KIF1B: variants seen among roughly 807,000 people sequenced by gnomAD.
KIF1B encodes the protein kinesin family member 1B.
A neutral mutation model predicts 241.9 loss-of-function variants in KIF1B; 76 were observed. That is an observed-to-expected ratio of 0.31 (90% CI 0.26 to 0.38). The LOEUF (loss-of-function observed/expected upper bound fraction) is 0.38, where lower values mean the gene tolerates loss of function less well. Among genes scored for constraint, KIF1B ranks in the 10% least tolerant of loss-of-function variants. The pLI, the probability that KIF1B is intolerant of heterozygous loss-of-function variation, is 1.00. For synonymous variants in KIF1B, 750 were observed against 796.7 expected (o/e 0.94, Z 0.99); for missense variants, 1,622 against 2,271.4 (o/e 0.71, Z 5.81).
At chr1:10,265,456 G>A (rs1233530320) in intron 5 of KIF1B, among the ~76,000 whole-genome samples, 1 of 151,914 alleles carries the variant, frequency 6.6e-6, no homozygotes, top group African/African-American at 2.4e-5. Context: ...GGTTGGTCTC[G>A]AATTCCTGAG....
At position 10,217,860 on chromosome 1, in the gene KIF1B, C is replaced by T. The variant is rs185154417; in HGVS notation, c.-80+6982C>T. Among the ~76,000 whole-genome samples, 36 of 152,056 alleles carry T rather than the reference C, an allele frequency of 2.4e-4. 1 individual carries two copies. The highest frequency in any genetic ancestry group is 7.7e-4 in the African/African-American group (32 of 41,464). On this transcript the variant is annotated intron_variant, in intron 1 of 48. Transcript: ENST00000676179. ...TACCTGATTTATTAATTTTAATGTCCTCCCTCTCCCTACTAGAATGTAAAT... is the reference window on the plus strand; with the variant it reads ...TACCTGATTTATTAATTTTAATGTCTTCCCTCTCCCTACTAGAATGTAAAT...
Position 10,326,163 on chromosome 1 carries a change from T to A in KIF1B, c.2728T>A (p.Ser910Thr). Reference protein sequence around the residue: ...VNERLADRTPSPTFSTADSDI... With the variant: ...VNERLADRTPTPTFSTADSDI... Reference sequence around the variant, plus strand: ...CGAGCGCCTTGCCGACCGCACACCCTCCCCCACTTTTTCCACGGCCGATTC... The same window carrying A: ...CGAGCGCCTTGCCGACCGCACACCCACCCCCACTTTTTCCACGGCCGATTC... Residue 910 changes from serine (S) to threonine (T), a missense_variant, in exon 27 of 49, where the codon TCC becomes ACC. Around this residue, in one of 7 missense-constraint regions of KIF1B, gnomAD observed 803 missense variants for 1,112.0 expected, o/e 0.72. Coordinates refer to ENST00000676179, the MANE Select transcript of KIF1B (RefSeq NM_001365951.3). The surrounding 1 kb of genome is among the most constrained non-coding windows in gnomAD (Gnocchi z 5.2). The A allele has an allele frequency of 6.2e-7, 1 of 1,613,948 alleles. No individual in the cohort carries two copies. Among genetic ancestry groups the A allele is most frequent in the Non-Finnish European group, 8.5e-7 (1 of 1,179,978 alleles).
In KIF1B at chr1:10,309,973, C is replaced by T. The variant is rs1650998871; in HGVS notation, c.2116-10070C>T. 2.6e-5 allele frequency among the ~76,000 whole-genome samples: 4 copies of T among 151,386 alleles called. No homozygotes were observed. The South Asian group carries it at 6.2e-4, about 24-fold the overall frequency. On this transcript the variant is annotated intron_variant, in intron 22 of 48. Transcript: ENST00000676179. The stretch of plus-strand genomic sequence containing the variant: ...ACTTCTCAAGCCTGGAGCCCATTTC[C>T]ATCATGCTTACCTCCCCTTCCAGAC...
intron 32 of KIF1B, among the ~76,000 whole-genome samples, chr1:10,341,074 C>G (rs1049005625): frequency 6.6e-6 from 1 of 152,196 alleles, no homozygotes; most frequent in African/African-American, 2.4e-5. Context: ...AAGGATTGTG[C>G]CTGACAACTG....
intron 29 of KIF1B, 76 bp downstream of exon 29, chr1:10,336,818 T>C: frequency 4.3e-6 from 6 of 1,385,096 alleles, no homozygotes; most frequent in Non-Finnish European, 6.2e-6. Flanking sequence ...AGTTCTCCTG[T>C]AAAACTGAAA....
intron 22 of KIF1B, chr1:10,306,948 T>C: frequency 1.9e-6 from 2 of 1,043,590 alleles, no homozygotes; most frequent in Non-Finnish European, 2.3e-6. Context: ...GGTAATACTG[T>C]AGAATGAAGA....
intron 14 of KIF1B, among the ~76,000 whole-genome samples, chr1:10,280,207 A>C (rs1414093512): frequency 2.0e-5 from 3 of 151,948 alleles, no homozygotes; most frequent in Middle Eastern, 6.8e-3. Flanking sequence ...TAATTTTTAG[A>C]TTTGTACTGA....
Position 10,212,919 on chromosome 1 carries a change from TATATATATATATAC to T in KIF1B, c.-80+2043_-80+2056del, listed in dbSNP as rs1433248065. Among the ~76,000 whole-genome samples the T allele has an allele frequency of 8.6e-3, 1,053 of 122,504 alleles. 27 individuals carry two copies. Among genetic ancestry groups the T allele is most frequent in the African/African-American group, 0.035 (929 of 26,528 alleles). 80.4% of individuals were successfully genotyped at this position (122,504 alleles called of 152,430 possible). A position where few individuals can be genotyped will look rare whatever the true frequency, so the allele number is the denominator to read the frequency against. On this transcript the variant is annotated intron_variant, in intron 1 of 48. Transcript: ENST00000676179. ...ATATATATATATATATATATATATA[TATATATATATATAC>T]ACACACACATTTAAAAAATTTGGAT...
intron 5 of KIF1B, among the ~76,000 whole-genome samples, chr1:10,264,708 C>T (rs1648350049): frequency 1.3e-5 from 2 of 152,224 alleles, no homozygotes; most frequent in African/African-American, 4.8e-5. Flanking sequence ...GTCACCCAGG[C>T]TGGAGTGCAG....
chr1:10,272,798 A>T (rs1177219454), intron 9 of KIF1B, among the ~76,000 whole-genome samples: 3 of 149,372 alleles, frequency 2.0e-5, no homozygotes, highest in Admixed American at 1.3e-4. Flanking sequence ...TATTTTTTTT[A>T]AATTAGGGGC....
chr1:10,378,264 T>A lies in KIF1B; in HGVS notation c.*1677T>A, dbSNP rs747139414. On this transcript the variant is annotated 3_prime_UTR_variant, in exon 49 of 49. Transcript: ENST00000676179. ...CTTTGTTGCGTGTTCCCTGCTCCTC[T>A]CCATCTGGTGTGGAAACACTGCCCA... 28 of 715,418 alleles carry A rather than the reference T, an allele frequency of 3.9e-5. No individual in the cohort carries two copies. The highest frequency in any genetic ancestry group is 6.8e-5 in the Non-Finnish European group (26 of 384,408). 44.3% of individuals were successfully genotyped at this position (715,418 alleles called of 1,614,324 possible). A position where few individuals can be genotyped will look rare whatever the true frequency, so the allele number is the denominator to read the frequency against.
intron 2 of KIF1B, among the ~76,000 whole-genome samples, chr1:10,232,714 G>A (rs912119735): frequency 6.6e-6 from 1 of 152,088 alleles, no homozygotes; most frequent in African/African-American, 2.4e-5. Context: ...GATAATAAAG[G>A]TATAAACAGT....
rs781665103 is a variant in KIF1B, at chr1:10,365,071, A to G, written c.4367-29A>G. On this transcript the variant is annotated intron_variant, in intron 41 of 48. Transcript: ENST00000676179. The surrounding 1 kb of genome is among the most constrained non-coding windows in gnomAD (Gnocchi z 4.0). ...AACTTGGAATTGAATTTTTTTTCTG[A>G]AACAAAAACTTGTTTCCTCTTGTCT... is the stretch of plus-strand genomic sequence containing the variant. 6.2e-7 allele frequency: 1 copy of G among 1,607,616 alleles called. No individual in the cohort carries two copies. Among genetic ancestry groups the G allele is most frequent in the East Asian group, 2.2e-5 (1 of 44,846 alleles).
chr1:10,336,550 C>T, intron 28 of KIF1B, 107 bp from the exon 29 acceptor site: 1 of 865,950 alleles, frequency 1.2e-6, no homozygotes, highest in Non-Finnish European at 2.0e-6. Context: ...ACTTTGGTAT[C>T]ATTCTCTCAT....
Position 10,375,270 on chromosome 1 carries a change from G to A in KIF1B, c.5305G>A (p.Ala1769Thr), listed in dbSNP as rs764927853. Residue 1769 changes from alanine (A) to threonine (T), a missense_variant, in exon 48 of 49, where the codon GCT (alanine) becomes ACT (threonine). Ala to Thr is a moderately conservative substitution (Grantham distance 58, BLOSUM62 0). Coordinates refer to ENST00000676179, the MANE Select transcript of KIF1B (RefSeq NM_001365951.3). ...TTTCTTTCAGACACCAAACACCTTTGCTGTCTGCACAAAGCACCGTGGGGT... is the reference window on the plus strand; with the variant it reads ...TTTCTTTCAGACACCAAACACCTTTACTGTCTGCACAAAGCACCGTGGGGT... ...QAMVKTPNTF[A>T]VCTKHRGVLL... is the part of the protein sequence containing the mutation. The A allele has an allele frequency of 2.5e-6, 4 of 1,613,906 alleles. No individual in the cohort carries two copies. In the East Asian group the frequency reaches 8.9e-5, roughly 36 times the overall value.
chr1:10,267,674 T>G (rs1648542922), intron 6 of KIF1B, 116 bp downstream of exon 6: 2 of 888,932 alleles, frequency 2.2e-6, no homozygotes, highest in Admixed American at 3.9e-5. Flanking sequence ...AATTGTGGAG[T>G]CCTCTGATCC....
chr1:10,228,590 A>G (rs1273457544), intron 1 of KIF1B, among the ~76,000 whole-genome samples: 3 of 152,242 alleles, frequency 2.0e-5, no homozygotes, highest in African/African-American at 4.8e-5. Context: ...ACCCAAATCA[A>G]CAAATCCATA....
intron 1 of KIF1B, among the ~76,000 whole-genome samples, chr1:10,219,864 T>TC (rs1170289377): frequency 6.6e-6 from 1 of 152,050 alleles, no homozygotes; most frequent in Non-Finnish European, 1.5e-5. Flanking sequence ...GCCCAATAGT[T>TC]CGGTATCAGC....
Position 10,295,753 on chromosome 1 carries a change from C to G in KIF1B, c.1764C>G (p.Ser588Arg), listed in dbSNP as rs200265546. 1.2e-6 allele frequency: 2 copies of G among 1,613,284 alleles called. No homozygotes were observed. Among genetic ancestry groups the G allele is most frequent in the Non-Finnish European group, 1.7e-6 (2 of 1,179,574 alleles). ...EEHCIFRSER[S>R]NSGEVIVTLE... ...ATTGTATCTTCCGGAGTGAGAGAAG[C>G]AACAGCGGGGAAGGTGAGCATTCCT... The change falls in exon 19 of 49, where the codon AGC (serine) becomes AGG (arginine). Residue 588 changes from serine (S) to arginine (R), a missense_variant. This residue lies in a region of KIF1B where 44 missense variants were observed against 28.6 expected (regional missense o/e 1.54). Coordinates refer to ENST00000676179, the MANE Select transcript of KIF1B (RefSeq NM_001365951.3).
Sources: gnomAD v4.1 joint callset for allele counts (sites outside exome capture counted in the v4.1 genomes callset) on GRCh38, gnomAD v4.1.1 for gene constraint, gnomAD v4.1.1 regional missense constraint, Gnocchi (gnomAD v3.1) non-coding constraint, MANE v1.5 for transcripts, NCBI Gene and HGNC (gene_info 2026-07-23, HGNC 2026-07-21) for gene names.